The following ARHGEF37 variants were observed in gnomAD, a reference collection of about 807,000 sequenced individuals.
ARHGEF37 encodes the protein Rho guanine nucleotide exchange factor (GEF) 37.
ARHGEF37 carries 55 observed loss-of-function variants against 71.1 expected under a neutral mutation model. The ratio of observed to expected loss-of-function variants is 0.77; its 90% CI spans 0.62 to 0.97. The LOEUF (loss-of-function observed/expected upper bound fraction) is 0.97. Among genes scored for constraint, ARHGEF37 ranks in the 50% least tolerant of loss-of-function variants. The pLI, the probability that ARHGEF37 is intolerant of heterozygous loss-of-function variation, is 0.00. For synonymous variants in ARHGEF37, 327 were observed against 350.6 expected, an observed-to-expected ratio of 0.93 and a Z score of 0.75; for missense variants, 765 against 836.8, an observed-to-expected ratio of 0.91 and a Z score of 1.06.
chr5:149,613,505 C>G (rs1313062725), intron 4 of ARHGEF37, among the ~76,000 whole-genome samples: 1 of 152,036 alleles, frequency 6.6e-6, no homozygotes, highest in Non-Finnish European at 1.5e-5. Context: ...CGCCACCACG[C>G]CCGGCTAATT....
chr5:149,621,881 C>T lies in ARHGEF37; in HGVS notation c.1154C>T (p.Thr385Ile). Reference sequence around the variant, plus strand: ...AAGCTGCTGGAGGTGGGCAGTGTGACCTACCAGGAGGAGGCCGCCCGGCAC... The same window carrying T: ...AAGCTGCTGGAGGTGGGCAGTGTGATCTACCAGGAGGAGGCCGCCCGGCAC... Reference protein sequence around the residue: ...EEKLLEVGSVTYQEEAARHTY... With the variant: ...EEKLLEVGSVIYQEEAARHTY... The change falls in exon 9 of 13, where the codon ACC (threonine) becomes ATC (isoleucine). Residue 385 changes from threonine (T) to isoleucine (I), a missense_variant. Thr to Ile is a moderately conservative substitution (Grantham distance 89). Transcript: ENST00000333677. 1.2e-6 allele frequency: 2 copies of T among 1,614,218 alleles called. No individual in the cohort carries two copies. Among genetic ancestry groups the T allele is most frequent in the African/African-American group, 1.3e-5 (1 of 75,060 alleles).
At chr5:149,568,020 AG>A (rs1561783508) in intron 1 of ARHGEF37, among the ~76,000 whole-genome samples, 1 of 151,992 alleles carries the variant, frequency 6.6e-6, no homozygotes, top group Non-Finnish European at 1.5e-5. Flanking sequence ...CAACTTCACA[AG>A]GTGCATTCTA....
intron 1 of ARHGEF37, among the ~76,000 whole-genome samples, chr5:149,567,596 C>G (rs1167505710): frequency 6.6e-6 from 1 of 152,170 alleles, no homozygotes; most frequent in East Asian, 1.9e-4. Flanking sequence ...TTATTTATAT[C>G]AGTATGAACT....
rs774031166 is a variant in ARHGEF37 at position 149,634,447 on chromosome 5, A to G, written c.*2256A>G. On this transcript the variant is annotated 3_prime_UTR_variant, in exon 13 of 13. Coordinates refer to ENST00000333677, the MANE Select transcript of ARHGEF37 (RefSeq NM_001001669.3). ...GAACAAAATTGGATGTCTTGTAGGC[A>G]TAAGGGAGGAAAATAAAATATACTT... 6.6e-6 allele frequency: 1 copy of G among 152,646 alleles called. No individual in the cohort carries two copies. Among genetic ancestry groups the G allele is most frequent in the African/African-American group, 2.4e-5 (1 of 41,458 alleles). The allele number at this position is 152,646 out of a possible 1,614,324, so 9.5% of individuals were successfully genotyped here.
intron 2 of ARHGEF37, 84 bp from the exon 3 acceptor site, chr5:149,601,024 A>G: frequency 6.9e-7 from 1 of 1,449,074 alleles, no homozygotes; most frequent in South Asian, 1.3e-5. Flanking sequence ...GAATGGTGTG[A>G]GTGTTCTGTC....
In ARHGEF37 at chr5:149,565,912, C is replaced by T. The variant is rs138543916; in HGVS notation, c.-12+13789C>T. ...TTGCCCAGGCTAGAGTGCAATGGTGCGATCTCTGCTCACTGCAACCTCCGC... is the reference window on the plus strand; with the variant it reads ...TTGCCCAGGCTAGAGTGCAATGGTGTGATCTCTGCTCACTGCAACCTCCGC... On this transcript the variant is annotated intron_variant, in intron 1 of 2. Coordinates refer to the ARHGEF37 transcript ENST00000505810. Among the ~76,000 whole-genome samples the T allele has an allele frequency of 0.022, 2,957 of 134,848 alleles. 253 individuals carry two copies. In the East Asian group the frequency reaches 0.34, roughly 15 times the overall value. The allele number at this position is 134,848 out of a possible 152,430, so 88.5% of individuals were successfully genotyped here.
At chr5:149,559,172 T>C (rs1292536667) in intron 1 of ARHGEF37, among the ~76,000 whole-genome samples, 1 of 151,910 alleles carries the variant, frequency 6.6e-6, no homozygotes, top group African/African-American at 2.4e-5. Flanking sequence ...AACACAAAAA[T>C]TAGCCAGACA....
At chr5:149,596,671 G>T (rs1302849522) in intron 1 of ARHGEF37, among the ~76,000 whole-genome samples, 1 of 152,162 alleles carries the variant, frequency 6.6e-6, no homozygotes, top group Non-Finnish European at 1.5e-5. Context: ...TGCAGCTGGT[G>T]GGAGTGAGAA....
chr5:149,574,780 C>T (rs1763007687), intron 1 of ARHGEF37, among the ~76,000 whole-genome samples: 1 of 152,168 alleles, frequency 6.6e-6, no homozygotes, highest in South Asian at 2.1e-4. Flanking sequence ...CCCAGGTAGT[C>T]ATCTCCTTAC....
At chr5:149,594,257 T>C (rs1478782860) in intron 1 of ARHGEF37, among the ~76,000 whole-genome samples, 4 of 152,240 alleles carry the variant, frequency 2.6e-5, no homozygotes, top group Admixed American at 2.0e-4. Context: ...GTATTTCTCA[T>C]GATTTTATTT....
upstream of ARHGEF37, among the ~76,000 whole-genome samples, chr5:149,579,163 T>G (rs11951544): frequency 0.046 from 7,002 of 152,210 alleles, 553 homozygotes; most frequent in African/African-American, 0.16. Flanking sequence ...CATCACGTAC[T>G]TCTGAAAAAA....
At chr5:149,563,710 C>T (rs1422698604) in intron 1 of ARHGEF37, among the ~76,000 whole-genome samples, 1 of 152,086 alleles carries the variant, frequency 6.6e-6, no homozygotes, top group Non-Finnish European at 1.5e-5. Context: ...TGTCCAAAGC[C>T]AAAAATAAGA....
intron 12 of ARHGEF37, among the ~76,000 whole-genome samples, chr5:149,630,081 T>C (rs981506416): frequency 5.3e-5 from 8 of 151,608 alleles, no homozygotes; most frequent in Non-Finnish European, 1.2e-4. Flanking sequence ...TTTTTGGGGG[T>C]GATGAAAATG....
intron 1 of ARHGEF37, among the ~76,000 whole-genome samples, chr5:149,558,727 GTGTGTGTGTGTATATA>G (rs1168265704): frequency 1.0e-4 from 12 of 120,292 alleles, no homozygotes; most frequent in African/African-American, 3.3e-4. Context: ...GTGTGTGTGT[GTGTGTGTGTGTATATA>G]TATTTTTATA....
chr5:149,632,317 C>T lies in ARHGEF37; in HGVS notation c.*126C>T. The T allele has an allele frequency of 1.8e-6, 2 of 1,086,572 alleles. No individual in the cohort carries two copies. The highest frequency in any genetic ancestry group is 2.6e-5 in the East Asian group (1 of 38,634). The allele number at this position is 1,086,572 out of a possible 1,614,324, so 67.3% of individuals were successfully genotyped here. A position where few individuals can be genotyped will look rare whatever the true frequency, so the allele number is the denominator to read the frequency against. On this transcript the variant is annotated 3_prime_UTR_variant, in exon 13 of 13. Coordinates refer to ENST00000333677, the MANE Select transcript of ARHGEF37 (RefSeq NM_001001669.3). ...AGACCAGGCCAGGGTGGGTGAAGCA[C>T]ACTCAGGAGGCAGCCAGAAGACATG...
At chr5:149,560,272 C>G (rs117735101) in intron 1 of ARHGEF37, among the ~76,000 whole-genome samples, 1 of 152,098 alleles carries the variant, frequency 6.6e-6, no homozygotes, top group South Asian at 2.1e-4. Flanking sequence ...TGCGCCACCA[C>G]GCCCGACTAA....
Position 149,601,204 on chromosome 5 carries a change from A to T in ARHGEF37, c.283A>T (p.Lys95Ter). Residue 95 changes from lysine (K) to a stop codon, truncating the protein, a stop_gained, in exon 3 of 13, where the codon AAG (lysine) becomes TAG (stop). Transcript: ENST00000333677. LOFTEE classifies it high-confidence loss of function. ...FLHDLQETASKEEEQVQLVGN... is the reference protein window; with the variant it reads ...FLHDLQETAS ...CCATGATCTGCAGGAGACAGCCTCC[A>T]AGGAAGAGGAACAAGTGCAGCTAGT... 6.2e-7 allele frequency: 1 copy of T among 1,612,962 alleles called. No individual in the cohort carries two copies. The highest frequency in any genetic ancestry group is 8.5e-7 in the Non-Finnish European group (1 of 1,179,102).
chr5:149,619,158 T>C, intron 7 of ARHGEF37, 116 bp downstream of exon 7: 5 of 799,358 alleles, frequency 6.3e-6, no homozygotes, highest in Non-Finnish European at 8.7e-6. Flanking sequence ...ACCAACCAGA[T>C]GAGGTCATCC....
At chr5:149,609,288 A>C (rs1312459859) in intron 3 of ARHGEF37, among the ~76,000 whole-genome samples, 2 of 152,244 alleles carry the variant, frequency 1.3e-5, no homozygotes, top group Non-Finnish European at 2.9e-5. Flanking sequence ...TGGTATGACT[A>C]TAGCTACCAT....
Sources: allele counts gnomAD v4.1 joint callset (sites outside exome capture counted in the v4.1 genomes callset), GRCh38; gene constraint gnomAD v4.1.1; transcripts MANE v1.5; gene names NCBI Gene and HGNC (gene_info 2026-07-23, HGNC 2026-07-21).